DAPP1: variants seen among roughly 807,000 people sequenced by gnomAD.
DAPP1 encodes dual adaptor of phosphotyrosine and 3-phosphoinositides 1.
A neutral mutation model predicts 41.5 loss-of-function variants in DAPP1; 20 were observed. That is an observed-to-expected ratio of 0.48 (90% CI 0.34 to 0.70). The LOEUF is 0.70. Among genes scored for constraint, DAPP1 ranks in the 30% least tolerant of loss-of-function variants. The pLI is 0.01. For synonymous variants in DAPP1, 113 were observed against 116.2 expected, an observed-to-expected ratio of 0.97 and a Z score of 0.18; for missense variants, 233 against 333.4, an observed-to-expected ratio of 0.70 and a Z score of 2.35.
chr4:99,842,262 T>G (rs970374277), intron 3 of DAPP1, among the ~76,000 whole-genome samples: 2 of 152,270 alleles, frequency 1.3e-5, no homozygotes, highest in African/African-American at 4.8e-5. Context: ...CAGTAGTTTC[T>G]CTAAAACTCA....
rs57214417 is a variant in DAPP1, at chr4:99,848,230, A to ATTT, written c.359-4975_359-4973dup. On this transcript the variant is annotated intron_variant, in intron 3 of 8. Coordinates refer to ENST00000512369, the MANE Select transcript of DAPP1 (RefSeq NM_014395.3). ...TACAAGAACAGGGAACAGGAGCAGAATTTTTTTTTTTTTTTGTGATGGGGT... is the reference window on the plus strand; with the variant it reads ...TACAAGAACAGGGAACAGGAGCAGAATTTTTTTTTTTTTTTTTTGTGATGGGGT... Among the ~76,000 whole-genome samples, 181 of 139,950 alleles carry ATTT rather than the reference A, an allele frequency of 1.3e-3. 1 individual carries two copies. The highest frequency in any genetic ancestry group is 1.6e-3 in the Non-Finnish European group (102 of 64,376). The allele number at this position is 139,950 out of a possible 152,430, so 91.8% of individuals were successfully genotyped here.
intron 1 of DAPP1, among the ~76,000 whole-genome samples, chr4:99,834,073 C>A (rs56220732): frequency 0.099 from 15,065 of 152,232 alleles, 1,045 homozygotes; most frequent in Non-Finnish European, 0.15. Context: ...GGCAAAGCAA[C>A]CCCCGGGGCC....
intron 1 of DAPP1, 31 bp downstream of exon 1, chr4:99,817,045 T>C: frequency 1.3e-6 from 2 of 1,529,642 alleles, no homozygotes; most frequent in East Asian, 2.4e-5. Context: ...TCAAAGTACC[T>C]AGTGGGTGGA....
chr4:99,827,079 C>T (rs1311795556), intron 1 of DAPP1, among the ~76,000 whole-genome samples: 1 of 152,178 alleles, frequency 6.6e-6, no homozygotes, highest in East Asian at 1.9e-4. Flanking sequence ...GCCCAAGAGT[C>T]CTTCCCATAC....
At chr4:99,831,572 G>A (rs1723121544) in intron 1 of DAPP1, among the ~76,000 whole-genome samples, 1 of 152,140 alleles carries the variant, frequency 6.6e-6, no homozygotes, top group Non-Finnish European at 1.5e-5. Context: ...AAACAATTCT[G>A]CAGTGAACAC....
chr4:99,867,926 C>T (rs1014082033), intron 8 of DAPP1, among the ~76,000 whole-genome samples, 191 bp from the exon 9 acceptor site: 10 of 152,058 alleles, frequency 6.6e-5, no homozygotes, highest in Non-Finnish European at 1.0e-4. Flanking sequence ...CAATATGTGT[C>T]CTAAAAAAAA....
At chr4:99,849,074 A>G (rs139834255) in intron 3 of DAPP1, among the ~76,000 whole-genome samples, 26 of 152,258 alleles carry the variant, frequency 1.7e-4, no homozygotes, top group Non-Finnish European at 3.5e-4. Flanking sequence ...GCCGTTTTAT[A>G]AGTACTTTGT....
intron 8 of DAPP1, among the ~76,000 whole-genome samples, chr4:99,867,604 T>C (rs1180138114): frequency 2.0e-5 from 3 of 152,218 alleles, no homozygotes; most frequent in Non-Finnish European, 4.4e-5. Context: ...ACTATACATA[T>C]ACCTACACTA....
intron 1 of DAPP1, among the ~76,000 whole-genome samples, chr4:99,819,669 T>G (rs538920985): frequency 7.1e-6 from 1 of 139,964 alleles, no homozygotes; most frequent in Non-Finnish European, 1.7e-5. Context: ...AATGGATAGA[T>G]AAAAGGTAGC....
intron 3 of DAPP1, among the ~76,000 whole-genome samples, chr4:99,845,838 C>T (rs945743489): frequency 6.6e-6 from 1 of 152,186 alleles, no homozygotes; most frequent in African/African-American, 2.4e-5. Context: ...GGATATCAAA[C>T]AGCCTGTCTA....
chr4:99,845,537 T>C (rs1322490606), intron 3 of DAPP1, among the ~76,000 whole-genome samples: 1 of 152,216 alleles, frequency 6.6e-6, no homozygotes, highest in East Asian at 1.9e-4. Context: ...AGTAGAATGA[T>C]TGTAGGATAT....
intron 1 of DAPP1, among the ~76,000 whole-genome samples, chr4:99,833,938 A>C (rs1260130497): frequency 6.6e-6 from 1 of 152,216 alleles, no homozygotes; most frequent in Non-Finnish European, 1.5e-5. Flanking sequence ...AGGACTCACA[A>C]CTGGCCTATG....
At chr4:99,831,478 A>T (rs1723118136) in intron 1 of DAPP1, among the ~76,000 whole-genome samples, 1 of 152,214 alleles carries the variant, frequency 6.6e-6, no homozygotes, top group African/African-American at 2.4e-5. Flanking sequence ...CTTTTTACAT[A>T]ATCTCATCCT....
chr4:99,844,061 C>A (rs1160600126), intron 3 of DAPP1: 1 of 152,214 alleles, frequency 6.6e-6, no homozygotes, highest in African/African-American at 2.4e-5. Flanking sequence ...TGTTGCAGGA[C>A]TTTTCCTTAG....
At chr4:99,852,724 T>G (rs1723906832) in intron 3 of DAPP1, among the ~76,000 whole-genome samples, 1 of 152,206 alleles carries the variant, frequency 6.6e-6, no homozygotes, top group Non-Finnish European at 1.5e-5. Flanking sequence ...GGAAACTGAT[T>G]GATAGGAAAT....
intron 1 of DAPP1, among the ~76,000 whole-genome samples, chr4:99,830,258 C>A (rs1244940249): frequency 6.6e-6 from 1 of 152,096 alleles, no homozygotes; most frequent in African/African-American, 2.4e-5. Flanking sequence ...TGGCACATGC[C>A]TGTAGTCTCA....
At chr4:99,853,049 A>G (rs1174884701) in intron 3 of DAPP1, among the ~76,000 whole-genome samples, 169 bp from the exon 4 acceptor site, 2 of 152,222 alleles carry the variant, frequency 1.3e-5, no homozygotes, top group Non-Finnish European at 2.9e-5. Flanking sequence ...CTCAGTGTCC[A>G]GCTTAAGTGC....
intron 1 of DAPP1, among the ~76,000 whole-genome samples, chr4:99,830,057 T>C (rs948468355): frequency 3.0e-4 from 46 of 152,322 alleles, no homozygotes; most frequent in African/African-American, 1.0e-3. Flanking sequence ...CTCTTATCCC[T>C]AATAACTGGA....
At chr4:99,847,496 C>T (rs115517016) in intron 3 of DAPP1, among the ~76,000 whole-genome samples, 1,643 of 152,314 alleles carry the variant, frequency 0.011, 37 homozygotes, top group African/African-American at 0.036. Context: ...AACATACCTC[C>T]GCTAAGCATG....
Sources: allele counts gnomAD v4.1 joint callset (sites outside exome capture counted in the v4.1 genomes callset), GRCh38; gene constraint gnomAD v4.1.1; transcripts MANE v1.5; gene names NCBI Gene and HGNC (gene_info 2026-07-23, HGNC 2026-07-21).